DOCK2: variants seen among roughly 807,000 people sequenced by gnomAD.
DOCK2 encodes the protein dedicator of cytokinesis 2, also known as dedicator of cytokinesis protein 2.
A neutral mutation model predicts 248.9 loss-of-function variants in DOCK2; 87 were observed. The observed-to-expected ratio is 0.35, with a 90% CI of 0.29 to 0.42. The LOEUF is 0.42. Ranked by LOEUF, DOCK2 falls within the 10% of genes least tolerant of loss-of-function variation. The pLI is 1.00. For synonymous variants in DOCK2, 805 were observed against 821.6 expected, an observed-to-expected ratio of 0.98 and a Z score of 0.35; for missense variants, 1,747 against 2,300.2, an observed-to-expected ratio of 0.76 and a Z score of 4.92.
chr5:170,031,136 G>A (rs140225714), intron 34 of DOCK2, among the ~76,000 whole-genome samples: 8 of 152,342 alleles, frequency 5.3e-5, no homozygotes, highest in African/African-American at 1.4e-4. Flanking sequence ...AAGACACACC[G>A]CTGCCTTTCT....
At position 170,019,054 on chromosome 5, in the gene DOCK2, A is replaced by T. The variant is rs1755632131; in HGVS notation, c.3327A>T (p.Pro1109=). 1 of 1,613,970 alleles carries T rather than the reference A, an allele frequency of 6.2e-7. No homozygotes were observed. Among genetic ancestry groups the T allele is most frequent in the African/African-American group, 1.3e-5 (1 of 74,912 alleles). The change falls in exon 33 of 52, where the codon CCA becomes CCT. Residue 1109 remains proline, a synonymous_variant. Transcript: ENST00000520908. ...CTGAGCTCCGGAAAGCCACCATACCAATCTTCTTCGACATGATGCTGTGTG... is the reference window on the plus strand; with the variant it reads ...CTGAGCTCCGGAAAGCCACCATACCTATCTTCTTCGACATGATGCTGTGTG... ...PEAELRKATI[P]IFFDMMLCEY...
intron 22 of DOCK2, among the ~76,000 whole-genome samples, chr5:169,724,904 A>G (rs968143034): frequency 6.6e-6 from 1 of 152,126 alleles, no homozygotes; most frequent in African/African-American, 2.4e-5. Context: ...AGGCAGCAAG[A>G]TTGTCTGAAT....
chr5:169,938,138 G>A (rs777698622), intron 27 of DOCK2, among the ~76,000 whole-genome samples: 8 of 152,138 alleles, frequency 5.3e-5, no homozygotes, highest in Admixed American at 2.0e-4. Flanking sequence ...AATGCTCCCT[G>A]CCTCTCTAAA....
chr5:169,656,706 C>T (rs1012119628), intron 2 of DOCK2, among the ~76,000 whole-genome samples: 2 of 152,200 alleles, frequency 1.3e-5, no homozygotes, highest in African/African-American at 4.8e-5. Context: ...TTTTCTGTGT[C>T]CTACATTGTG....
intron 27 of DOCK2, among the ~76,000 whole-genome samples, chr5:169,874,373 A>G (rs1772178919): frequency 6.8e-6 from 1 of 146,780 alleles, no homozygotes; most frequent in Admixed American, 7.3e-5. Flanking sequence ...AGATTGTGCA[A>G]CTGCACTCCA....
At chr5:169,774,986 G>A (rs904182944) in intron 25 of DOCK2, among the ~76,000 whole-genome samples, 10 of 152,114 alleles carry the variant, frequency 6.6e-5, no homozygotes, top group East Asian at 1.9e-4. Context: ...TTGGCTCACC[G>A]CAGCCTCCGC....
At chr5:169,730,468 A>T (rs1762711930) in intron 22 of DOCK2, among the ~76,000 whole-genome samples, 1 of 152,202 alleles carries the variant, frequency 6.6e-6, no homozygotes, top group African/African-American at 2.4e-5. Flanking sequence ...GCTACCATGC[A>T]GGGATTATTC....
At chr5:169,904,212 C>G (rs896260835) in intron 27 of DOCK2, among the ~76,000 whole-genome samples, 4 of 151,952 alleles carry the variant, frequency 2.6e-5, no homozygotes, top group Non-Finnish European at 5.9e-5. Flanking sequence ...TGGCAAGAAG[C>G]CTGATGATTT....
intron 25 of DOCK2, among the ~76,000 whole-genome samples, chr5:169,776,314 C>T (rs2113786708): frequency 6.6e-6 from 1 of 151,972 alleles, no homozygotes; most frequent in East Asian, 1.9e-4. Flanking sequence ...AGGCACACAT[C>T]ACCATGGCTA....
intron 22 of DOCK2, 79 bp downstream of exon 22, chr5:169,718,870 A>G: frequency 6.7e-7 from 1 of 1,489,796 alleles, no homozygotes; most frequent in Non-Finnish European, 9.0e-7. Flanking sequence ...CTGTAGGAGA[A>G]ACTCGTTTAA....
At chr5:170,068,532 C>T (rs1757574136) in intron 45 of DOCK2, among the ~76,000 whole-genome samples, 1 of 152,150 alleles carries the variant, frequency 6.6e-6, no homozygotes. Flanking sequence ...TTCCAACTAC[C>T]CTCAGATACC....
Position 169,658,884 on chromosome 5 carries a change from A to T in DOCK2, c.127+4398A>T, listed in dbSNP as rs1454998629. Reference sequence around the variant, plus strand: ...CATCTCTGAAAAATAAGGCAAAAAAAGTATGAAGAATAAAATAACAATCAC... The same window carrying T: ...CATCTCTGAAAAATAAGGCAAAAAATGTATGAAGAATAAAATAACAATCAC... On this transcript the variant is annotated intron_variant, in intron 2 of 51. Coordinates refer to ENST00000520908, the MANE Select transcript of DOCK2 (RefSeq NM_004946.3). Among the ~76,000 whole-genome samples the T allele has an allele frequency of 4.6e-5, 7 of 151,890 alleles. No individual in the cohort carries two copies. In the East Asian group the frequency reaches 5.8e-4, roughly 13 times the overall value.
chr5:169,931,919 G>T (rs908672925), intron 27 of DOCK2, among the ~76,000 whole-genome samples: 5 of 152,270 alleles, frequency 3.3e-5, no homozygotes, highest in Admixed American at 2.0e-4. Context: ...AAAATATCAT[G>T]CATTCATTCA....
chr5:169,730,858 A>G (rs1762731197), intron 22 of DOCK2, among the ~76,000 whole-genome samples: 1 of 150,428 alleles, frequency 6.6e-6, no homozygotes, highest in African/African-American at 2.5e-5. Flanking sequence ...AATTTTAGGT[A>G]TATGATTATA....
intron 39 of DOCK2, 111 bp downstream of exon 39, chr5:170,046,016 T>C (rs552598337): frequency 1.0e-6 from 1 of 990,610 alleles, no homozygotes; most frequent in East Asian, 2.4e-5. Context: ...GTTAGGGAAA[T>C]AGAAAATGAA....
intron 34 of DOCK2, 96 bp downstream of exon 34, chr5:170,028,044 C>T: frequency 9.3e-7 from 1 of 1,078,830 alleles, no homozygotes. Flanking sequence ...CTCTGTCCTC[C>T]CCTGGAGATG....
intron 27 of DOCK2, among the ~76,000 whole-genome samples, chr5:169,970,715 A>G (rs1182764705): frequency 6.6e-6 from 1 of 152,232 alleles, no homozygotes; most frequent in Non-Finnish European, 1.5e-5. Context: ...TGAAATAATC[A>G]GGGGAGATTT....
chr5:169,926,420 G>A (rs1191004741), intron 27 of DOCK2, among the ~76,000 whole-genome samples: 3 of 152,110 alleles, frequency 2.0e-5, no homozygotes, highest in Non-Finnish European at 4.4e-5. Context: ...TAACAAATAG[G>A]CCCTTTTCCC....
rs367568161 is a variant in DOCK2 at position 169,805,595 on chromosome 5, C to G, written c.2703+2389C>G. On this transcript the variant is annotated intron_variant, in intron 26 of 51. Coordinates refer to ENST00000520908, the MANE Select transcript of DOCK2 (RefSeq NM_004946.3). ...GTTCCTGGTTTGGTGGAAAGATGGC[C>G]CCAGTTCACAGTTATTTGTGAAGTA... 4.1e-4 allele frequency among the ~76,000 whole-genome samples: 63 copies of G among 152,286 alleles called. 1 individual carries two copies. In the South Asian group the frequency reaches 8.7e-3, roughly 21 times the overall value.
Sources: gnomAD v4.1 joint callset for allele counts (sites outside exome capture counted in the v4.1 genomes callset) on GRCh38, gnomAD v4.1.1 for gene constraint, MANE v1.5 for transcripts, NCBI Gene and HGNC (gene_info 2026-07-23, HGNC 2026-07-21) for gene names.